Variants in LAMC1 observed in about 807,000 individuals in gnomAD.
LAMC1 encodes laminin subunit gamma-1.
Under a neutral mutation model 173.6 loss-of-function variants are expected in LAMC1, and 38 were observed. The observed-to-expected ratio is 0.22, with a 90% CI of 0.17 to 0.29. LAMC1 has a LOEUF of 0.29. Ranked by LOEUF, LAMC1 falls within the 10% of genes least tolerant of loss-of-function variation. The probability of loss-of-function intolerance (pLI) is 1.00; values close to 1 mark genes in which losing one functional copy is unlikely to be tolerated. For missense variants in LAMC1, 1,824 were observed against 2,051.8 expected, an observed-to-expected ratio of 0.89 and a Z score of 2.14; for synonymous variants, 746 against 749.1, an observed-to-expected ratio of 1.00 and a Z score of 0.07.
intron 8 of LAMC1, 83 bp from the exon 9 acceptor site, chr1:183,117,237 T>TA: frequency 6.9e-7 from 1 of 1,453,726 alleles, no homozygotes; most frequent in Non-Finnish European, 9.3e-7. Flanking sequence ...GGTGTGGTCT[T>TA]ACACATTTTT....
rs1387027549 is a variant in LAMC1, at chr1:183,118,046, A to C, written c.1890A>C (p.Ala630=). 6.2e-7 allele frequency: 1 copy of C among 1,610,228 alleles called. No homozygotes were observed. Among genetic ancestry groups the C allele is most frequent in the South Asian group, 1.1e-5 (1 of 90,752 alleles). ...TVKYVFRLHE[A]TDYPWRPALT... is the part of the protein sequence containing the mutation. ...TCTTTCTCTCCAGGCTCCATGAAGCAACAGATTACCCTTGGAGGCCTGCTC... is the reference window on the plus strand; with the variant it reads ...TCTTTCTCTCCAGGCTCCATGAAGCCACAGATTACCCTTGGAGGCCTGCTC... Residue 630 remains alanine (A), a synonymous_variant, in exon 11 of 28, where the codon GCA becomes GCC. Coordinates refer to ENST00000258341, the MANE Select transcript of LAMC1 (RefSeq NM_002293.4).
chr1:183,089,004 C>T (rs2102057523), intron 1 of LAMC1, among the ~76,000 whole-genome samples: 1 of 152,296 alleles, frequency 6.6e-6, no homozygotes, highest in East Asian at 1.9e-4. Context: ...TGCACAGATT[C>T]TTAAGCTGGG....
At chr1:183,057,590 G>A (rs766199701) in intron 1 of LAMC1, among the ~76,000 whole-genome samples, 3 of 152,110 alleles carry the variant, frequency 2.0e-5, no homozygotes, top group Admixed American at 2.0e-4. Context: ...GTGAAACCCC[G>A]TCTCCACTAA....
intron 1 of LAMC1, among the ~76,000 whole-genome samples, chr1:183,086,983 T>G (rs1025657005): frequency 6.6e-6 from 1 of 152,218 alleles, no homozygotes; most frequent in African/African-American, 2.4e-5. Flanking sequence ...GATGTATACA[T>G]TAAAGTTCAT....
At chr1:183,058,410 A>T (rs978235708) in intron 1 of LAMC1, among the ~76,000 whole-genome samples, 1 of 152,198 alleles carries the variant, frequency 6.6e-6, no homozygotes, top group African/African-American at 2.4e-5. Flanking sequence ...TGGCAGGTGT[A>T]TATTTAAGTC....
intron 1 of LAMC1, among the ~76,000 whole-genome samples, chr1:183,025,168 A>G (rs1253623866): frequency 6.6e-6 from 1 of 152,202 alleles, no homozygotes; most frequent in Non-Finnish European, 1.5e-5. Flanking sequence ...GACTGCCTCA[A>G]GCCATTCTTC....
chr1:183,131,462 T>TGTGTGTGTGTGTGTG lies in LAMC1; in HGVS notation c.3566+84_3566+85insGTGTGTGTGTGTGTG. On this transcript the variant is annotated intron_variant, in intron 20 of 27. Transcript: ENST00000258341. ...GTGTGTGTGTGTGTGTGTGTGTGTA[T>TGTGTGTGTGTGTGTG]TGTCTTATCCCATAACCCATAAACA... 1.5e-4 allele frequency: 123 copies of TGTGTGTGTGTGTGTG among 837,976 alleles called. 6 individuals carry two copies. The highest frequency in any genetic ancestry group is 2.6e-4 in the African/African-American group (14 of 54,472). The allele number at this position is 837,976 out of a possible 1,614,324, so 51.9% of individuals were successfully genotyped here.
At chr1:183,102,084 T>A (rs1031768532) in intron 1 of LAMC1, among the ~76,000 whole-genome samples, 8 of 151,954 alleles carry the variant, frequency 5.3e-5, no homozygotes, top group Non-Finnish European at 7.4e-5. Context: ...TTGCACTGAG[T>A]GCAGGAGAGG....
At chr1:183,126,338 G>C in intron 16 of LAMC1, 76 bp downstream of exon 16, 1 of 1,514,048 alleles carries the variant, frequency 6.6e-7, no homozygotes, top group East Asian at 2.3e-5. Context: ...AAAGGACTTT[G>C]ACAGCCTCAG....
intron 1 of LAMC1, among the ~76,000 whole-genome samples, chr1:183,034,387 C>T (rs1339225721): frequency 2.0e-5 from 3 of 152,222 alleles, no homozygotes; most frequent in Non-Finnish European, 4.4e-5. Flanking sequence ...TCTCCTGCCT[C>T]AGCCTCCTGA....
intron 1 of LAMC1, among the ~76,000 whole-genome samples, chr1:183,060,714 C>T (rs1469383794): frequency 6.6e-6 from 1 of 152,204 alleles, no homozygotes; most frequent in East Asian, 1.9e-4. Context: ...GCCAGACACA[C>T]AGTAGGCACT....
intron 1 of LAMC1, among the ~76,000 whole-genome samples, chr1:183,036,764 CT>C (rs144633032): frequency 6.6e-6 from 1 of 151,764 alleles, no homozygotes; most frequent in African/African-American, 2.4e-5. Context: ...GGATTGTTTT[CT>C]TTTTTTGTTT....
chr1:183,078,073 A>G (rs1279747702), intron 1 of LAMC1, among the ~76,000 whole-genome samples: 1 of 152,014 alleles, frequency 6.6e-6, no homozygotes, highest in Non-Finnish European at 1.5e-5. Flanking sequence ...GTTCAGAAAG[A>G]TTACTCCCAA....
intron 1 of LAMC1, among the ~76,000 whole-genome samples, chr1:183,036,923 C>T (rs1653999864): frequency 6.6e-6 from 1 of 152,002 alleles, no homozygotes; most frequent in Non-Finnish European, 1.5e-5. Flanking sequence ...TTACAGGCAC[C>T]CACCACCACG....
At chr1:183,095,338 TA>T (rs1403634744) in intron 1 of LAMC1, among the ~76,000 whole-genome samples, 3 of 152,146 alleles carry the variant, frequency 2.0e-5, no homozygotes, top group East Asian at 3.8e-4. Flanking sequence ...TTTCTCTTTT[TA>T]AAAAAACTAT....
At chr1:183,131,237 C>T (rs1656776708) in intron 19 of LAMC1, 62 bp from the exon 20 acceptor site, 26 of 1,216,156 alleles carry the variant, frequency 2.1e-5, no homozygotes, top group Non-Finnish European at 2.7e-5. Flanking sequence ...AGTTTTGACT[C>T]TTGCTTTATT....
chr1:183,075,012 A>G (rs577819308), intron 1 of LAMC1, among the ~76,000 whole-genome samples: 26 of 152,244 alleles, frequency 1.7e-4, no homozygotes, highest in Non-Finnish European at 1.9e-4. Flanking sequence ...CCCACTGCTT[A>G]TATTTTTCTT....
At chr1:183,082,037 A>G (rs1033142974) in intron 1 of LAMC1, among the ~76,000 whole-genome samples, 2 of 152,192 alleles carry the variant, frequency 1.3e-5, no homozygotes, top group African/African-American at 4.8e-5. Flanking sequence ...ATATGCATTT[A>G]AGTTTCCTCT....
chr1:183,086,135 A>C (rs1033613210), intron 1 of LAMC1, among the ~76,000 whole-genome samples: 1 of 152,230 alleles, frequency 6.6e-6, no homozygotes, highest in East Asian at 1.9e-4. Flanking sequence ...TATATAGTAG[A>C]CTTGAAATTA....
Sources: allele counts gnomAD v4.1 joint callset (sites outside exome capture counted in the v4.1 genomes callset), GRCh38; gene constraint gnomAD v4.1.1; transcripts MANE v1.5; gene names NCBI Gene and HGNC (gene_info 2026-07-23, HGNC 2026-07-21).